Variants in CWH43 observed in about 807,000 individuals in gnomAD.
CWH43 encodes cell wall biogenesis 43 C-terminal homolog.
CWH43 carries 91 observed loss-of-function variants against 85.7 expected under a neutral mutation model. The ratio of observed to expected loss-of-function variants is 1.06; its 90% CI spans 0.90 to 1.26. The LOEUF is 1.26. CWH43 is among the 50% of genes most tolerant of loss of function. The probability of loss-of-function intolerance (pLI) is 0.00; values close to 1 mark genes in which losing one functional copy is unlikely to be tolerated. For synonymous variants in CWH43, 323 were observed against 293.6 expected, an observed-to-expected ratio of 1.10 and a Z score of -1.02; for missense variants, 869 against 839.2, an observed-to-expected ratio of 1.04 and a Z score of -0.44.
intron 9 of CWH43, among the ~76,000 whole-genome samples, chr4:49,018,214 C>CATTT (rs71191281): frequency 0.024 from 3,588 of 152,030 alleles, 50 homozygotes; most frequent in Non-Finnish European, 0.031. Context: ...GGTGTTTTAT[C>CATTT]ATTTATTTAT....
chr4:49,021,143 A>G (rs1187035901), intron 9 of CWH43, among the ~76,000 whole-genome samples: 3 of 152,130 alleles, frequency 2.0e-5, no homozygotes, highest in Admixed American at 6.5e-5. Flanking sequence ...CCAATTTTAA[A>G]AGAGTTTTTC....
At chr4:49,016,500 C>T (rs1783550926) in intron 8 of CWH43, among the ~76,000 whole-genome samples, 1 of 152,120 alleles carries the variant, frequency 6.6e-6, no homozygotes. Flanking sequence ...GAGAAGCCAC[C>T]TTGGTGACGT....
At chr4:48,990,506 A>C (rs1318792766) in intron 2 of CWH43, among the ~76,000 whole-genome samples, 1 of 152,206 alleles carries the variant, frequency 6.6e-6, no homozygotes, top group East Asian at 1.9e-4. Flanking sequence ...ATTACATGCC[A>C]TCTCACTTCT....
intron 14 of CWH43, among the ~76,000 whole-genome samples, chr4:49,045,805 T>C (rs1784605990): frequency 6.6e-6 from 1 of 152,302 alleles, no homozygotes; most frequent in Non-Finnish European, 1.5e-5. Flanking sequence ...CCAATACTTG[T>C]ATGTATACTG....
intron 5 of CWH43, among the ~76,000 whole-genome samples, chr4:48,996,117 T>TC (rs1244147395): frequency 7.2e-5 from 11 of 152,024 alleles, no homozygotes; most frequent in African/African-American, 2.7e-4. Context: ...ACTGTTCCTG[T>TC]CCCCCCTCTG....
At chr4:48,987,670 C>A (rs998597322) in intron 1 of CWH43, among the ~76,000 whole-genome samples, 7 of 152,166 alleles carry the variant, frequency 4.6e-5, no homozygotes, top group Non-Finnish European at 1.0e-4. Flanking sequence ...TTAGCACAGA[C>A]CCTAGTGCAT....
At chr4:48,989,125 A>G (rs1247543848) in intron 2 of CWH43, among the ~76,000 whole-genome samples, 1 of 152,264 alleles carries the variant, frequency 6.6e-6, no homozygotes, top group South Asian at 2.1e-4. Context: ...TCTCTTATAT[A>G]TAGAGTTCCT....
At chr4:49,061,756 C>T in intron 15 of CWH43, 56 bp from the exon 16 acceptor site, 3 of 1,220,340 alleles carry the variant, frequency 2.5e-6, no homozygotes, top group South Asian at 3.4e-5. Flanking sequence ...AAGAACATAC[C>T]TTTCTGAATG....
At chr4:49,023,930 C>T (rs1783825937) in intron 9 of CWH43, among the ~76,000 whole-genome samples, 1 of 152,146 alleles carries the variant, frequency 6.6e-6, no homozygotes, top group African/African-American at 2.4e-5. Context: ...CTCTCTAGTG[C>T]TGTCAGTGCA....
At chr4:49,004,068 T>G in intron 7 of CWH43, 76 bp downstream of exon 7, 1 of 1,310,886 alleles carries the variant, frequency 7.6e-7, no homozygotes, top group Non-Finnish European at 1.0e-6. Context: ...ATTTAGCACT[T>G]TATGTAACTG....
rs78465438 is a variant in CWH43, at chr4:49,047,481, G to T, written c.1865+2634G>T. ...AAGGAGCTTCCAGAATATGGAGGTG[G>T]GGTGCAATTGTAAGTAGGGAGCTGG... On this transcript the variant is annotated intron_variant, in intron 14 of 15. Transcript: ENST00000226432. Among the ~76,000 whole-genome samples the T allele has an allele frequency of 2.2e-3, 332 of 152,224 alleles. 1 individual carries two copies. Among genetic ancestry groups the T allele is most frequent in the African/African-American group, 7.6e-3 (315 of 41,542 alleles).
intron 15 of CWH43, among the ~76,000 whole-genome samples, chr4:49,060,265 A>C (rs772066295): frequency 3.3e-5 from 5 of 151,628 alleles, no homozygotes; most frequent in Non-Finnish European, 7.4e-5. Flanking sequence ...TGGGCACTGG[A>C]GTCAGGGACC....
At chr4:49,048,836 T>G (rs1415377417) in intron 14 of CWH43, among the ~76,000 whole-genome samples, 1 of 152,152 alleles carries the variant, frequency 6.6e-6, no homozygotes, top group African/African-American at 2.4e-5. Flanking sequence ...GGAAGGTAAT[T>G]TTAAAAATTC....
rs541141745 is a variant in CWH43, at chr4:49,022,998, T to C, written c.1267-5631T>C. Among the ~76,000 whole-genome samples the C allele has an allele frequency of 2.0e-5, 3 of 152,324 alleles. No homozygotes were observed. The South Asian group carries it at 6.2e-4, about 32-fold the overall frequency. Reference sequence around the variant, plus strand: ...CAAAGAGACAGCTTTTTGTTTCATTTATCTTTTGTATTTTTGTTTGTTTGT... The same window carrying C: ...CAAAGAGACAGCTTTTTGTTTCATTCATCTTTTGTATTTTTGTTTGTTTGT... On this transcript the variant is annotated intron_variant, in intron 9 of 15. Coordinates refer to ENST00000226432, the MANE Select transcript of CWH43 (RefSeq NM_025087.3).
intron 8 of CWH43, among the ~76,000 whole-genome samples, chr4:49,008,172 T>C (rs574522239): frequency 6.6e-6 from 1 of 152,312 alleles, no homozygotes; most frequent in East Asian, 1.9e-4. Flanking sequence ...TTCTAACTGG[T>C]GTGAGATGGT....
chr4:49,002,636 A>G (rs1379532274), intron 6 of CWH43, among the ~76,000 whole-genome samples: 3 of 152,166 alleles, frequency 2.0e-5, no homozygotes, highest in African/African-American at 7.2e-5. Context: ...AAAATGAAAA[A>G]ATTCCATTGA....
chr4:48,994,390 C>T (rs116186709), intron 4 of CWH43, among the ~76,000 whole-genome samples: 4 of 152,204 alleles, frequency 2.6e-5, no homozygotes, highest in Non-Finnish European at 5.9e-5. Context: ...TTCCAAAATG[C>T]CTTTTCTCCC....
At chr4:49,044,445 A>G (rs1236771872) in intron 13 of CWH43, among the ~76,000 whole-genome samples, 2 of 152,172 alleles carry the variant, frequency 1.3e-5, no homozygotes, top group South Asian at 2.1e-4. Context: ...AGGATGACCA[A>G]TGAAGGTGCA....
intron 12 of CWH43, among the ~76,000 whole-genome samples, chr4:49,033,005 T>C (rs1194550152): frequency 6.6e-6 from 1 of 152,114 alleles, no homozygotes; most frequent in African/African-American, 2.4e-5. Context: ...TCACTCTGTG[T>C]AGGGTAAGCA....
Sources: allele counts gnomAD v4.1 joint callset (sites outside exome capture counted in the v4.1 genomes callset), GRCh38; gene constraint gnomAD v4.1.1; transcripts MANE v1.5; gene names NCBI Gene and HGNC (gene_info 2026-07-23, HGNC 2026-07-21).